Variants in COX4I2 observed in about 807,000 individuals in gnomAD.
COX4I2 encodes the protein cytochrome c oxidase subunit 4I2, also known as cytochrome c oxidase subunit 4 isoform 2, mitochondrial.
Under a neutral mutation model 20.8 loss-of-function variants are expected in COX4I2, and 15 were observed. The observed-to-expected ratio is 0.72, with a 90% confidence interval of 0.48 to 1.11. COX4I2 has a LOEUF of 1.11. Among genes scored for constraint, COX4I2 ranks in the 50% most tolerant of loss-of-function variants. COX4I2 has a pLI of 0.00. For missense variants in COX4I2, 224 were observed against 223.0 expected (o/e 1.00, Z -0.03); for synonymous variants, 80 against 78.1 (o/e 1.02, Z -0.13).
At chr20:31,639,142 G>C in intron 2 of COX4I2, 43 bp downstream of exon 2, 7 of 1,573,644 alleles carry the variant, frequency 4.4e-6, no homozygotes, top group Non-Finnish European at 6.0e-6. Flanking sequence ...TCCAGAGATA[G>C]GGGCAGGGGT....
chr20:31,638,978 G>A, intron 1 of COX4I2, 40 bp from the exon 2 acceptor site: 1 of 1,574,858 alleles, frequency 6.3e-7, no homozygotes, highest in Non-Finnish European at 8.6e-7. Flanking sequence ...GGCAGAGGGT[G>A]ATGTGGGGGC....
In COX4I2 at chr20:31,638,219, C is replaced by T. The variant is rs149719826; in HGVS notation, c.-1+257C>T. Among the ~76,000 whole-genome samples the T allele has an allele frequency of 1.9e-3, 288 of 152,102 alleles. 1 individual carries two copies. The highest frequency in any genetic ancestry group is 6.6e-3 in the African/African-American group (275 of 41,502). On this transcript the variant is annotated intron_variant, in intron 1 of 4. Coordinates refer to ENST00000376075, the MANE Select transcript of COX4I2 (RefSeq NM_032609.3). ...CACTAATCATAATCACTGGCCGGAG[C>T]CCCTCTTTTCCAGAAGTGTGGGCCG...
In COX4I2 at chr20:31,643,444, C is replaced by T. The variant is rs778948268; in HGVS notation, c.288C>T (p.Asn96=). ...LQFNETFAEM[N]RRSNEWKTVM... Reference sequence around the variant, plus strand: ...TCAATGAGACCTTTGCGGAGATGAACCGTCGCTCCAATGAGTGGAAGACAG... The same window carrying T: ...TCAATGAGACCTTTGCGGAGATGAATCGTCGCTCCAATGAGTGGAAGACAG... The change falls in exon 4 of 5, where the codon AAC becomes AAT. Residue 96 remains asparagine, a synonymous_variant. Coordinates refer to ENST00000376075, the MANE Select transcript of COX4I2 (RefSeq NM_032609.3). 1 of 1,614,202 alleles carries T rather than the reference C, an allele frequency of 6.2e-7. No individual in the cohort carries two copies. Among genetic ancestry groups the T allele is most frequent in the Admixed American group, 1.7e-5 (1 of 60,002 alleles).
At chr20:31,639,876 T>G in intron 2 of COX4I2, 57 bp from the exon 3 acceptor site, 1 of 1,595,768 alleles carries the variant, frequency 6.3e-7, no homozygotes, top group Non-Finnish European at 8.6e-7. Context: ...TTAATATAGT[T>G]AGAGATAGGG....
intron 3 of COX4I2, among the ~76,000 whole-genome samples, chr20:31,642,660 G>A (rs867814193): frequency 7.6e-4 from 115 of 151,812 alleles, no homozygotes; most frequent in African/African-American, 2.5e-3. Flanking sequence ...GGATGGTCTC[G>A]ATCTCCTGAC....
chr20:31,639,902 C>G (rs758343953), intron 2 of COX4I2, 31 bp from the exon 3 acceptor site: 50 of 1,613,466 alleles, frequency 3.1e-5, no homozygotes, highest in Non-Finnish European at 3.6e-5. Context: ...CAAGGGCAGC[C>G]TGGACTCAGC....
intron 4 of COX4I2, 122 bp downstream of exon 4, chr20:31,643,657 G>A: frequency 8.4e-7 from 1 of 1,192,686 alleles, no homozygotes; most frequent in Non-Finnish European, 1.2e-6. Flanking sequence ...TTTCTGAAGA[G>A]GTGTAGGGTG....
chr20:31,642,422 C>T (rs1018748097), intron 3 of COX4I2, among the ~76,000 whole-genome samples: 15 of 149,210 alleles, frequency 1.0e-4, no homozygotes, highest in African/African-American at 2.5e-4. Flanking sequence ...GGATTACACA[C>T]GTAGGGTAAT....
rs1392232159 is a variant in COX4I2 at position 31,644,999 on chromosome 20, A to C, written c.*95A>C. ...TGCCCTTAACCCCAGTAAAGCTCCAAAAAAAAATTTATTCTCTTCTGCCTC... is the reference window on the plus strand; with the variant it reads ...TGCCCTTAACCCCAGTAAAGCTCCACAAAAAAATTTATTCTCTTCTGCCTC... On this transcript the variant is annotated 3_prime_UTR_variant, in exon 5 of 5. Coordinates refer to ENST00000376075, the MANE Select transcript of COX4I2 (RefSeq NM_032609.3). 2.7e-6 allele frequency: 4 copies of C among 1,455,774 alleles called. No individual in the cohort carries two copies. The highest frequency in any genetic ancestry group is 3.8e-6 in the Non-Finnish European group (4 of 1,064,034). 90.2% of individuals were successfully genotyped at this position (1,455,774 alleles called of 1,614,324 possible).
chr20:31,639,134 C>T, intron 2 of COX4I2, 35 bp downstream of exon 2: 1 of 1,582,030 alleles, frequency 6.3e-7, no homozygotes, highest in Non-Finnish European at 8.6e-7. Context: ...TGCCTAACTC[C>T]AGAGATAGGG....
chr20:31,639,012 C>A lies in COX4I2; in HGVS notation c.1-6C>A, dbSNP rs201853480. On this transcript the variant is annotated splice_region_variant and splice_polypyrimidine_tract_variant and intron_variant, in intron 1 of 4. Transcript: ENST00000376075. Reference sequence around the variant, plus strand: ...GCAGAACTCATCTATACCTTCACGCCCCCAGATGCTCCCCAGAGCTGCCTG... The same window carrying A: ...GCAGAACTCATCTATACCTTCACGCACCCAGATGCTCCCCAGAGCTGCCTG... 5.0e-6 allele frequency: 8 copies of A among 1,608,374 alleles called. No homozygotes were observed. The East Asian group carries it at 1.8e-4, about 36-fold the overall frequency.
chr20:31,638,886 G>A, intron 1 of COX4I2, 132 bp from the exon 2 acceptor site: 1 of 959,598 alleles, frequency 1.0e-6, no homozygotes, highest in South Asian at 1.4e-5. Flanking sequence ...AAGGGCATGA[G>A]GGTGACCTTG....
At chr20:31,642,211 T>G (rs1264480242) in intron 3 of COX4I2, among the ~76,000 whole-genome samples, 1 of 151,864 alleles carries the variant, frequency 6.6e-6, no homozygotes, top group Non-Finnish European at 1.5e-5. Context: ...AGCACTGGAG[T>G]GCATGGCCTG....
chr20:31,640,883 C>G (rs1455351434), intron 3 of COX4I2, among the ~76,000 whole-genome samples: 2 of 151,480 alleles, frequency 1.3e-5, no homozygotes, highest in African/African-American at 4.9e-5. Context: ...AGCCAGGCTC[C>G]GTTCCTGCCT....
chr20:31,640,048 G>C lies in COX4I2; in HGVS notation c.198G>C (p.Glu66Asp), dbSNP rs2060459124. The C allele has an allele frequency of 1.2e-6, 2 of 1,613,748 alleles. No individual in the cohort carries two copies. Among genetic ancestry groups the C allele is most frequent in the African/African-American group, 2.7e-5 (2 of 75,044 alleles). Reference protein sequence around the residue: ...ELNAEEQALKEKEKGSWTQLT... With the variant: ...ELNAEEQALKDKEKGSWTQLT... The stretch of plus-strand genomic sequence containing the variant: ...ACGCTGAGGAGCAGGCCCTGAAGGA[G>C]AAGGAGAAGGGAAGCTGGACCCAGC... Residue 66 changes from glutamate to aspartate, a missense_variant, in exon 3 of 5, where the codon GAG becomes GAC. By Grantham distance (45) the Glu-to-Asp change is conservative (BLOSUM62 2). Transcript: ENST00000376075.
At chr20:31,641,037 G>C (rs1378657018) in intron 3 of COX4I2, among the ~76,000 whole-genome samples, 1 of 151,134 alleles carries the variant, frequency 6.6e-6, no homozygotes, top group Non-Finnish European at 1.5e-5. Flanking sequence ...TGACACTCTT[G>C]GGGGGAGAGG....
At chr20:31,641,533 G>A (rs545905738) in intron 3 of COX4I2, among the ~76,000 whole-genome samples, 36 of 152,298 alleles carry the variant, frequency 2.4e-4, no homozygotes, top group South Asian at 1.2e-3. Flanking sequence ...GCTCAGTGGC[G>A]TGCAGTCACT....
intron 3 of COX4I2, among the ~76,000 whole-genome samples, chr20:31,641,925 C>G (rs887297649): frequency 2.6e-5 from 4 of 151,674 alleles, no homozygotes; most frequent in African/African-American, 9.7e-5. Context: ...CCAGACTGGT[C>G]TCGAACTCCT....
chr20:31,644,765 C>A lies in COX4I2; in HGVS notation c.380-3C>A. ...CCTGATCCACCCCATGTACTCCCTG[C>A]AGTATTTCCTCCAAAGCCGATCACC... On this transcript the variant is annotated splice_polypyrimidine_tract_variant and splice_region_variant and intron_variant, in intron 4 of 4. Coordinates refer to ENST00000376075, the MANE Select transcript of COX4I2 (RefSeq NM_032609.3). 1 of 1,613,950 alleles carries A rather than the reference C, an allele frequency of 6.2e-7. No homozygotes were observed. Among genetic ancestry groups the A allele is most frequent in the East Asian group, 2.2e-5 (1 of 44,884 alleles).
Sources: allele counts gnomAD v4.1 joint callset (sites outside exome capture counted in the v4.1 genomes callset), GRCh38; gene constraint gnomAD v4.1.1; transcripts MANE v1.5; gene names NCBI Gene and HGNC (gene_info 2026-07-23, HGNC 2026-07-21).